The following STARD13 variants were observed in gnomAD, a reference collection of about 807,000 sequenced individuals.
STARD13 encodes StAR related lipid transfer domain containing 13.
Under a neutral mutation model 106.4 loss-of-function variants are expected in STARD13, and 62 were observed. The observed-to-expected ratio is 0.58, with a 90% CI of 0.48 to 0.72. STARD13 has a LOEUF of 0.72. Ranked by LOEUF, STARD13 falls within the 30% of genes least tolerant of loss-of-function variation. The pLI is 0.00. For synonymous variants in STARD13, 565 were observed against 553.0 expected (o/e 1.02, Z -0.31); for missense variants, 1,387 against 1,424.0 (o/e 0.97, Z 0.42).
At chr13:33,489,417 T>A in the STARD13 span, among the ~76,000 whole-genome samples, 69 of 152,364 alleles carry the variant, frequency 4.5e-4, no homozygotes, top group South Asian at 9.9e-3. Flanking sequence ...AGTATTCAGA[T>A]ATTTTTCTAT....
chr13:33,659,450 G>A, the STARD13 span, among the ~76,000 whole-genome samples: 12 of 152,224 alleles, frequency 7.9e-5, no homozygotes, highest in East Asian at 1.5e-3. Flanking sequence ...TCCTGACCTC[G>A]TGATCCACCC....
chr13:33,110,084 C>T lies in STARD13; in HGVS notation c.2836G>A (p.Asp946Asn), dbSNP rs140868444. 5.7e-4 allele frequency: 927 copies of T among 1,614,058 alleles called. 6 individuals are homozygous for T. The African/African-American group carries it at 0.011, about 19-fold the overall frequency. ...NTDLAFKKVGDGNPLKLWKAS... is the reference protein window; with the variant it reads ...NTDLAFKKVGNGNPLKLWKAS... ...TTCCACAGCTTCAGCGGGTTCCCGT[C>T]GCCCACCTTGGGAAAGACAACGTCA... Residue 946 changes from aspartate (D) to asparagine (N), a missense_variant, in exon 12 of 14, where the codon GAC (aspartate) becomes AAC (asparagine). Coordinates refer to ENST00000336934, the MANE Select transcript of STARD13 (RefSeq NM_178006.4).
chr13:33,304,110 C>T (rs558596436), intron 1 of STARD13, among the ~76,000 whole-genome samples: 15 of 152,352 alleles, frequency 9.8e-5, no homozygotes, highest in African/African-American at 3.4e-4. Flanking sequence ...GACTTTCCCA[C>T]GTTGTGAAAT....
chr13:33,163,673 TATATATAAAAC>T (rs1347369329), intron 3 of STARD13, among the ~76,000 whole-genome samples: 19 of 104,334 alleles, frequency 1.8e-4, no homozygotes, highest in South Asian at 7.7e-4. Context: ...ATATATAACA[TATATATAAAAC>T]ATATATATAT....
intron 1 of STARD13, among the ~76,000 whole-genome samples, chr13:33,296,066 A>T (rs1892480383): frequency 2.0e-5 from 3 of 151,990 alleles, no homozygotes; most frequent in Admixed American, 2.0e-4. Context: ...ACTTAAAAAA[A>T]AAAAAAGAAA....
the STARD13 span, among the ~76,000 whole-genome samples, chr13:33,367,453 AG>A: frequency 6.6e-6 from 1 of 152,208 alleles, no homozygotes; most frequent in Admixed American, 6.5e-5. Context: ...TGCAGTAAGG[AG>A]AAAAAAGATT....
At chr13:33,418,539 C>T in the STARD13 span, among the ~76,000 whole-genome samples, 2 of 152,240 alleles carry the variant, frequency 1.3e-5, no homozygotes, top group Non-Finnish European at 2.9e-5. Flanking sequence ...GCAGTAAAAA[C>T]TTCTGCAGGC....
intron 1 of STARD13, among the ~76,000 whole-genome samples, chr13:33,270,664 C>T (rs1891114347): frequency 6.6e-6 from 1 of 152,172 alleles, no homozygotes; most frequent in Admixed American, 6.5e-5. Context: ...CCCAAGCTTG[C>T]CATACAAATT....
the STARD13 span, among the ~76,000 whole-genome samples, chr13:33,541,252 A>T: frequency 1.1e-3 from 171 of 152,292 alleles, no homozygotes; most frequent in Non-Finnish European, 1.9e-3. Context: ...TCCATATTCC[A>T]CACATTTGAT....
chr13:33,576,249 G>T, the STARD13 span, among the ~76,000 whole-genome samples: 17 of 151,978 alleles, frequency 1.1e-4, no homozygotes, highest in Non-Finnish European at 2.2e-4. Context: ...TTGAAACAAG[G>T]TCTTGCTCTG....
the STARD13 span, among the ~76,000 whole-genome samples, chr13:33,604,203 G>T: frequency 2.0e-5 from 3 of 152,096 alleles, 1 homozygote; most frequent in South Asian, 6.2e-4. Flanking sequence ...AATGTGGAGG[G>T]TAGAATGAAA....
chr13:33,207,119 T>C (rs1887461131), intron 1 of STARD13, among the ~76,000 whole-genome samples: 1 of 152,194 alleles, frequency 6.6e-6, no homozygotes, highest in Non-Finnish European at 1.5e-5. Context: ...TACCACTGCC[T>C]GTGATAAGGA....
At chr13:33,443,908 A>AAAG in the STARD13 span, among the ~76,000 whole-genome samples, 1 of 151,758 alleles carries the variant, frequency 6.6e-6, no homozygotes, top group Non-Finnish European at 1.5e-5. Context: ...AAAAAAAAAA[A>AAAG]AAGAAGATAT....
the STARD13 span, among the ~76,000 whole-genome samples, chr13:33,605,633 C>T: frequency 2.0e-5 from 3 of 152,124 alleles, no homozygotes; most frequent in African/African-American, 7.2e-5. Flanking sequence ...GCTGACCACA[C>T]TTTGAATAGC....
chr13:33,491,242 AC>A, the STARD13 span, among the ~76,000 whole-genome samples: 6 of 152,216 alleles, frequency 3.9e-5, no homozygotes, highest in Non-Finnish European at 8.8e-5. Context: ...GGTACGTGGC[AC>A]CACAGTAGAC....
intron 1 of STARD13, among the ~76,000 whole-genome samples, chr13:33,184,723 G>C (rs186912397): frequency 6.6e-6 from 1 of 152,334 alleles, no homozygotes; most frequent in Admixed American, 6.5e-5. Flanking sequence ...CTCTGTCACA[G>C]GGATTTGAAC....
At chr13:33,135,481 C>G (rs1479591154) in intron 4 of STARD13, among the ~76,000 whole-genome samples, 1 of 152,110 alleles carries the variant, frequency 6.6e-6, no homozygotes, top group Non-Finnish European at 1.5e-5. Flanking sequence ...AGTTTGCTTA[C>G]CATAAACCAA....
intron 1 of STARD13, among the ~76,000 whole-genome samples, chr13:33,176,420 A>G (rs1036163067): frequency 1.5e-4 from 23 of 152,174 alleles, no homozygotes; most frequent in African/African-American, 5.5e-4. Context: ...AACATGCATC[A>G]CTCATTCCAG....
At position 33,326,643 on chromosome 13, in the gene STARD13, A is replaced by G. The variant is rs540666527; in HGVS notation, c.124+23647T>C. Among the ~76,000 whole-genome samples the G allele has an allele frequency of 1.5e-3, 235 of 152,328 alleles. 1 individual carries two copies. Among genetic ancestry groups the G allele is most frequent in the Middle Eastern group, 6.8e-3 (2 of 294 alleles). On this transcript the variant is annotated intron_variant, in intron 1 of 5. Transcript: ENST00000567873. ...AGGTTCCTGGACCCCCATCTGTTCA[A>G]TCTGATTTTCTGACAGGTGGACCCC...
Sources: gnomAD v4.1 joint callset for allele counts (sites outside exome capture counted in the v4.1 genomes callset) on GRCh38, gnomAD v4.1.1 for gene constraint, MANE v1.5 for transcripts, NCBI Gene and HGNC (gene_info 2026-07-23, HGNC 2026-07-21) for gene names.